Variants in USP43 observed in about 807,000 individuals in gnomAD.
USP43 encodes the protein ubiquitin carboxyl-terminal hydrolase 43.
USP43 carries 33 observed loss-of-function variants against 90.7 expected under a neutral mutation model. The ratio of observed to expected loss-of-function variants is 0.36; its 90% CI spans 0.28 to 0.49. The LOEUF is 0.49. Among genes scored for constraint, USP43 ranks in the 20% least tolerant of loss-of-function variants. The pLI is 0.98. For missense variants in USP43, 1,274 were observed against 1,476.4 expected (o/e 0.86, Z 2.25); for synonymous variants, 598 against 615.8 (o/e 0.97, Z 0.43).
chr17:9,681,273 A>G (rs1402111644), intron 6 of USP43, among the ~76,000 whole-genome samples: 1 of 112,710 alleles, frequency 8.9e-6, no homozygotes, highest in African/African-American at 3.6e-5. Flanking sequence ...TTTGATATAT[A>G]TTTAATAATT....
rs958256991 is a variant in USP43 at position 9,710,070 on chromosome 17, A to G, written c.2126A>G (p.Lys709Arg). The stretch of plus-strand genomic sequence containing the variant: ...GGGGCTTATATCCTGTTCTATCAGA[A>G]GCGGAACAGCATCCCTCCCTGGTCA... The part of the protein sequence containing the change: ...TRGAYILFYQ[K>R]RNSIPPWSAS... Residue 709 changes from lysine to arginine, a missense_variant, in exon 13 of 15, where the codon AAG (lysine) becomes AGG (arginine). Lys to Arg is a conservative substitution (Grantham distance 26). This residue lies in a region of USP43 where 285 missense variants were observed against 349.6 expected (regional missense o/e 0.82). Transcript: ENST00000285199. 3 of 1,558,170 alleles carry G rather than the reference A, an allele frequency of 1.9e-6. No homozygotes were observed. Among genetic ancestry groups the G allele is most frequent in the Middle Eastern group, 1.7e-4 (1 of 5,762 alleles).
intron 14 of USP43, among the ~76,000 whole-genome samples, chr17:9,724,698 AAAG>A (rs1180076188): frequency 2.6e-5 from 4 of 152,212 alleles, no homozygotes; most frequent in Non-Finnish European, 4.4e-5. Context: ...AAAGAAAAGA[AAAG>A]AAGCATTGTA....
chr17:9,694,220 C>G (rs1312419760), intron 9 of USP43, among the ~76,000 whole-genome samples: 1 of 152,182 alleles, frequency 6.6e-6, no homozygotes, highest in East Asian at 1.9e-4. Flanking sequence ...TGGGCCTTTC[C>G]CCTTGTAAAG....
chr17:9,718,564 T>TGG, intron 14 of USP43, among the ~76,000 whole-genome samples: 1 of 152,124 alleles, frequency 6.6e-6, no homozygotes, highest in African/African-American at 2.4e-5. Context: ...TACGTTTCTG[T>TGG]GAGCAGTGGC....
Position 9,666,708 on chromosome 17 carries a change from C to T in USP43, c.697C>T (p.Leu233=), listed in dbSNP as rs953192555. The change falls in exon 3 of 15, where the codon CTA becomes TTA. Residue 233 remains leucine, a synonymous_variant. Coordinates refer to ENST00000285199, the MANE Select transcript of USP43 (RefSeq NM_153210.5). ...CCTGTCACCATCAGCTCAGCTTCCT[C>T]TAGGTCAAAGCTTTGTGCAAAGCCA... ...NCLSPSAQLP[L]GQSFVQSHFQ... 1.9e-6 allele frequency: 3 copies of T among 1,613,396 alleles called. No homozygotes were observed. Among genetic ancestry groups the T allele is most frequent in the Admixed American group, 3.3e-5 (2 of 59,956 alleles).
At chr17:9,702,301 G>C (rs1340019746) in intron 12 of USP43, among the ~76,000 whole-genome samples, 1 of 152,184 alleles carries the variant, frequency 6.6e-6, no homozygotes, top group Non-Finnish European at 1.5e-5. Flanking sequence ...GGTGAACCAT[G>C]ATTGCACCAC....
chr17:9,714,576 A>G (rs1003938913), intron 14 of USP43, among the ~76,000 whole-genome samples: 10 of 151,266 alleles, frequency 6.6e-5, no homozygotes, highest in East Asian at 3.9e-4. Flanking sequence ...CCAGCTACTC[A>G]GGAGGCTGAG....
intron 3 of USP43, among the ~76,000 whole-genome samples, chr17:9,667,156 T>C (rs1490224096): frequency 6.6e-6 from 1 of 151,992 alleles, no homozygotes. Context: ...GATATAAAAA[T>C]GTATGTACAG....
chr17:9,693,263 T>C (rs1285773307), intron 9 of USP43, 33 bp downstream of exon 9: 8 of 1,550,072 alleles, frequency 5.2e-6, no homozygotes, highest in African/African-American at 1.4e-5. Flanking sequence ...AGTCAGCTAA[T>C]GAACCCTTTC....
intron 4 of USP43, among the ~76,000 whole-genome samples, chr17:9,675,357 T>A (rs1385700909): frequency 2.0e-5 from 3 of 152,120 alleles, no homozygotes; most frequent in Admixed American, 6.5e-5. Context: ...TATTTTCTTC[T>A]TTGAGAAGGT....
intron 3 of USP43, among the ~76,000 whole-genome samples, chr17:9,671,737 A>C (rs529993050): frequency 2.0e-5 from 3 of 152,140 alleles, no homozygotes; most frequent in Non-Finnish European, 2.9e-5. Context: ...CCTTGAGTGC[A>C]CTTGTGAGAC....
In USP43 at chr17:9,674,105, C is replaced by T. The variant is rs1913613218; in HGVS notation, c.741-786C>T. ...ATTTTAAAAAAGCCTTCCTGTGGTT[C>T]TGGGGCACAGTGAGGCTGAGAAGCA... On this transcript the variant is annotated intron_variant, in intron 3 of 14. Transcript: ENST00000285199. The surrounding 1 kb of genome is among the most constrained non-coding windows in gnomAD (Gnocchi z 4.4). Among the ~76,000 whole-genome samples the T allele has an allele frequency of 6.6e-6, 1 of 152,006 alleles. No homozygotes were observed. Among genetic ancestry groups the T allele is most frequent in the Non-Finnish European group, 1.5e-5 (1 of 67,998 alleles).
In USP43 at chr17:9,664,660, C is replaced by T. The variant is rs570440200; in HGVS notation, c.637-1988C>T. ...GATTTTTTTTTTTTTTTTTTTGAGA[C>T]GGAGTCTCGCTCTGTCACCCAGGCT... On this transcript the variant is annotated intron_variant, in intron 2 of 14. Coordinates refer to ENST00000285199, the MANE Select transcript of USP43 (RefSeq NM_153210.5). 1.4e-4 allele frequency among the ~76,000 whole-genome samples: 20 copies of T among 138,972 alleles called. No individual in the cohort carries two copies. The South Asian group carries it at 2.5e-3, about 17-fold the overall frequency. The allele number at this position is 138,972 out of a possible 152,430, so 91.2% of individuals were successfully genotyped here.
At chr17:9,650,944 A>G (rs1427363480) in intron 1 of USP43, among the ~76,000 whole-genome samples, 2 of 152,130 alleles carry the variant, frequency 1.3e-5, no homozygotes, top group Non-Finnish European at 2.9e-5. Flanking sequence ...AGCAATGGAC[A>G]CTGGACCCAG....
chr17:9,728,661 G>A lies in USP43; in HGVS notation c.3043G>A (p.Glu1015Lys), dbSNP rs763979627. 129 of 1,613,436 alleles carry A rather than the reference G, an allele frequency of 8.0e-5. No individual in the cohort carries two copies. The highest frequency in any genetic ancestry group is 1.0e-4 in the Non-Finnish European group (123 of 1,179,828). ...GGAGAACAGGAGGAATGAGAGGGCA[G>A]AGGTCTCTCCACAGGTGCCCCCCGT... ...KKENRRNERA[E>K]VSPQVPPVSL... Residue 1015 changes from glutamate to lysine, a missense_variant, in exon 15 of 15, where the codon GAG (glutamate) becomes AAG (lysine). Around this residue, in one of 6 missense-constraint regions of USP43, gnomAD observed 353 missense variants for 329.7 expected, o/e 1.07. Coordinates refer to ENST00000285199, the MANE Select transcript of USP43 (RefSeq NM_153210.5). The surrounding 1 kb of genome is among the most constrained non-coding windows in gnomAD (Gnocchi z 6.2).
Position 9,680,415 on chromosome 17 carries a change from GT to G in USP43, c.1105+52del, listed in dbSNP as rs765514420. 3.1e-6 allele frequency: 5 copies of G among 1,602,546 alleles called. No individual in the cohort carries two copies. The African/African-American group carries it at 6.7e-5, about 21-fold the overall frequency. ...TTTATTTGGCTATGATGAGTTACAG[GT>G]TTCAGAGGATACTCCTTGGGTGCAA... On this transcript the variant is annotated intron_variant, in intron 6 of 14. Coordinates refer to ENST00000285199, the MANE Select transcript of USP43 (RefSeq NM_153210.5).
intron 14 of USP43, among the ~76,000 whole-genome samples, chr17:9,715,721 ATGTGTG>A (rs1555555524): frequency 3.6e-4 from 37 of 103,082 alleles, no homozygotes; most frequent in South Asian, 1.4e-3. Flanking sequence ...CTGTGTGTGT[ATGTGTG>A]TGTGTGTGTG....
At chr17:9,681,461 ATT>A (rs1491577912) in intron 6 of USP43, among the ~76,000 whole-genome samples, 17 of 65,012 alleles carry the variant, frequency 2.6e-4, no homozygotes, top group South Asian at 1.1e-3. Flanking sequence ...TATAAAATAT[ATT>A]ATATATATAT....
chr17:9,706,352 C>T (rs930102429), intron 12 of USP43, among the ~76,000 whole-genome samples: 21 of 152,180 alleles, frequency 1.4e-4, no homozygotes, highest in Admixed American at 3.3e-4. Flanking sequence ...TTTATTTTTG[C>T]TTTTCTAGGT....
Sources: gnomAD v4.1 joint callset for allele counts (sites outside exome capture counted in the v4.1 genomes callset) on GRCh38, gnomAD v4.1.1 for gene constraint, gnomAD v4.1.1 regional missense constraint, Gnocchi (gnomAD v3.1) non-coding constraint, MANE v1.5 for transcripts, NCBI Gene and HGNC (gene_info 2026-07-23, HGNC 2026-07-21) for gene names.